Variants in VPS13B observed in about 807,000 individuals in gnomAD.
VPS13B encodes the protein intermembrane lipid transfer protein VPS13B.
VPS13B carries 285 observed loss-of-function variants against 426.4 expected under a neutral mutation model. That is an observed-to-expected ratio of 0.67 (90% CI 0.61 to 0.74). The LOEUF (loss-of-function observed/expected upper bound fraction) is 0.74. VPS13B is among the 30% of genes least tolerant of loss of function. The pLI is 0.00. For synonymous variants in VPS13B, 1,676 were observed against 1,676.4 expected (o/e 1.00, Z 0.01); for missense variants, 4,537 against 4,782.6 (o/e 0.95, Z 1.51).
intron 30 of VPS13B, among the ~76,000 whole-genome samples, chr8:99,524,653 G>A (rs117249849): frequency 1.5e-3 from 233 of 152,252 alleles, no homozygotes; most frequent in Non-Finnish European, 2.9e-3. Flanking sequence ...ACTTAGTCAG[G>A]TGTGGTGGCA....
chr8:99,317,122 T>C (rs1003031539), intron 19 of VPS13B, among the ~76,000 whole-genome samples: 1 of 152,238 alleles, frequency 6.6e-6, no homozygotes, highest in Admixed American at 6.5e-5. Context: ...TCTACTGTAT[T>C]CCTTGCTCTG....
intron 3 of VPS13B, among the ~76,000 whole-genome samples, chr8:99,050,478 A>G (rs1843478157): frequency 6.6e-6 from 1 of 152,196 alleles, no homozygotes; most frequent in Admixed American, 6.5e-5. Flanking sequence ...TATTGTGAAT[A>G]GTGCCTCAAT....
intron 15 of VPS13B, among the ~76,000 whole-genome samples, chr8:99,166,398 T>C (rs1812005275): frequency 6.6e-6 from 1 of 152,226 alleles, no homozygotes; most frequent in Non-Finnish European, 1.5e-5. Flanking sequence ...AATGTTTATG[T>C]GTAAAAATTA....
chr8:99,681,858 T>A (rs1022198309), intron 35 of VPS13B, among the ~76,000 whole-genome samples: 1 of 152,168 alleles, frequency 6.6e-6, no homozygotes, highest in Non-Finnish European at 1.5e-5. Flanking sequence ...ACTTTTGACA[T>A]AACCTTATAG....
chr8:99,407,652 T>C (rs1274437441), intron 21 of VPS13B, among the ~76,000 whole-genome samples: 1 of 151,806 alleles, frequency 6.6e-6, no homozygotes, highest in East Asian at 1.9e-4. Context: ...TTTTGCCTAT[T>C]AATTAATTAG....
intron 58 of VPS13B, among the ~76,000 whole-genome samples, chr8:99,862,983 C>G (rs1045707077): frequency 2.0e-5 from 3 of 152,140 alleles, no homozygotes; most frequent in African/African-American, 7.2e-5. Flanking sequence ...AACTCAGTAA[C>G]CCAAAGGTGA....
chr8:99,661,929 G>GA (rs1563850176), intron 35 of VPS13B, among the ~76,000 whole-genome samples: 2 of 152,094 alleles, frequency 1.3e-5, no homozygotes, highest in Non-Finnish European at 2.9e-5. Flanking sequence ...ATAGTTAAAT[G>GA]TACCTGTTTC....
chr8:99,678,210 C>T (rs1831019526), intron 35 of VPS13B, among the ~76,000 whole-genome samples: 1 of 152,084 alleles, frequency 6.6e-6, no homozygotes, highest in Admixed American at 6.5e-5. Context: ...ATTTTCTGGT[C>T]ATGTCCTCTC....
At chr8:99,207,462 A>G (rs552663865) in intron 17 of VPS13B, among the ~76,000 whole-genome samples, 1 of 152,184 alleles carries the variant, frequency 6.6e-6, no homozygotes, top group Admixed American at 6.5e-5. Context: ...TGGCACAGGA[A>G]TGGGAATTTT....
At chr8:99,865,806 T>A (rs1025237316) in intron 58 of VPS13B, among the ~76,000 whole-genome samples, 1 of 152,158 alleles carries the variant, frequency 6.6e-6, no homozygotes, top group Non-Finnish European at 1.5e-5. Flanking sequence ...TGACAAAAAA[T>A]TGCCAGAAAC....
chr8:99,290,675 AAAAG>A (rs1203715820), intron 19 of VPS13B, among the ~76,000 whole-genome samples: 3 of 152,034 alleles, frequency 2.0e-5, no homozygotes, highest in Non-Finnish European at 4.4e-5. Flanking sequence ...AAAAAGAAAA[AAAAG>A]GTAGTTCAAG....
Position 99,182,894 on chromosome 8 carries a change from G to T in VPS13B, c.2334-9982G>T, listed in dbSNP as rs201957713. 8.5e-5 allele frequency among the ~76,000 whole-genome samples: 13 copies of T among 152,234 alleles called. No individual in the cohort carries two copies. In the East Asian group the frequency reaches 2.5e-3, roughly 29 times the overall value. On this transcript the variant is annotated intron_variant, in intron 16 of 61. Transcript: ENST00000357162. Reference sequence around the variant, plus strand: ...TGGGATTACAGGAACCCACCCCCATGTCTGGCTAATTTTTGTATTTTTAGT... The same window carrying T: ...TGGGATTACAGGAACCCACCCCCATTTCTGGCTAATTTTTGTATTTTTAGT...
At chr8:99,052,030 C>T (rs1253899072) in intron 3 of VPS13B, among the ~76,000 whole-genome samples, 1 of 151,660 alleles carries the variant, frequency 6.6e-6, no homozygotes, top group African/African-American at 2.4e-5. Flanking sequence ...ATTTCCTTCT[C>T]CTGCCTGATT....
intron 25 of VPS13B, among the ~76,000 whole-genome samples, chr8:99,497,731 A>C (rs1821005690): frequency 6.6e-6 from 1 of 152,142 alleles, no homozygotes; most frequent in South Asian, 2.1e-4. Flanking sequence ...AAGTGCAATT[A>C]ACCTATGCAG....
At chr8:99,691,392 A>G (rs1033922581) in intron 35 of VPS13B, among the ~76,000 whole-genome samples, 17 of 152,280 alleles carry the variant, frequency 1.1e-4, no homozygotes, top group Admixed American at 3.9e-4. Flanking sequence ...TTATATGTCA[A>G]TAAGGTGTTT....
intron 3 of VPS13B, among the ~76,000 whole-genome samples, chr8:99,066,097 A>T: frequency 6.6e-6 from 1 of 152,264 alleles, no homozygotes; most frequent in East Asian, 1.9e-4. Flanking sequence ...TATAGATTCA[A>T]TGCCATCCCC....
At chr8:99,366,841 C>T (rs1812919440) in intron 19 of VPS13B, among the ~76,000 whole-genome samples, 1 of 152,136 alleles carries the variant, frequency 6.6e-6, no homozygotes. Flanking sequence ...CAGCTTATCA[C>T]TGCTTGCATA....
At chr8:99,269,173 G>A (rs1818451811) in intron 17 of VPS13B, among the ~76,000 whole-genome samples, 2 of 152,196 alleles carry the variant, frequency 1.3e-5, no homozygotes, top group South Asian at 4.1e-4. Flanking sequence ...AGCAGCATGA[G>A]GATGGACTAA....
chr8:99,358,002 T>TCACA (rs34418547), intron 19 of VPS13B, among the ~76,000 whole-genome samples: 9,983 of 144,300 alleles, frequency 0.069, 369 homozygotes, highest in South Asian at 0.13. Flanking sequence ...GGATTAAATA[T>TCACA]CACACACACA....
Sources: gnomAD v4.1 joint callset for allele counts (sites outside exome capture counted in the v4.1 genomes callset) on GRCh38, gnomAD v4.1.1 for gene constraint, MANE v1.5 for transcripts, NCBI Gene and HGNC (gene_info 2026-07-23, HGNC 2026-07-21) for gene names.